CGGBP1: variants seen among roughly 807,000 people sequenced by gnomAD.
CGGBP1 encodes the protein CGG triplet repeat-binding protein 1.
In CGGBP1, 4 loss-of-function variants were observed where a neutral mutation model predicts 11.4. The observed-to-expected ratio is 0.35, with a 90% CI of 0.17 to 0.80. CGGBP1 has a LOEUF of 0.80. CGGBP1 is among the 30% of genes least tolerant of loss of function. The probability of loss-of-function intolerance (pLI) is 0.52; values close to 1 mark genes in which losing one functional copy is unlikely to be tolerated. For missense variants in CGGBP1, 135 were observed against 202.1 expected (o/e 0.67, Z 2.01); for synonymous variants, 76 against 74.1 (o/e 1.03, Z -0.13).
intron 3 of CGGBP1, chr3:88,056,606 A>G (rs1576159674): frequency 6.6e-6 from 1 of 152,302 alleles, no homozygotes; most frequent in Non-Finnish European, 1.5e-5. Context: ...TATACAGTTC[A>G]AAGTTATTTT....
chr3:88,090,221 G>A lies in CGGBP1; in HGVS notation c.-228-31998C>T, dbSNP rs182507060. On this transcript the variant is annotated intron_variant, in intron 2 of 3. Coordinates refer to the CGGBP1 transcript ENST00000462901. The stretch of plus-strand genomic sequence containing the variant: ...TGAAGGCATTCCAGAAAAAGACATT[G>A]TTATCATATAAGGTAACAGCTTCAT... Among the ~76,000 whole-genome samples the A allele has an allele frequency of 2.2e-3, 331 of 152,232 alleles. 2 individuals carry two copies. Among genetic ancestry groups the A allele is most frequent in the South Asian group, 0.018 (87 of 4,822 alleles).
intron 2 of CGGBP1, among the ~76,000 whole-genome samples, chr3:88,104,751 A>T (rs1704630314): frequency 6.6e-6 from 1 of 152,224 alleles, no homozygotes; most frequent in Non-Finnish European, 1.5e-5. Context: ...CTCAGTCCCA[A>T]AGAAGGAGGA....
chr3:88,101,872 G>T (rs1704447407), intron 2 of CGGBP1, among the ~76,000 whole-genome samples: 2 of 152,104 alleles, frequency 1.3e-5, no homozygotes, highest in African/African-American at 4.8e-5. Context: ...ACAGTAGTAT[G>T]TCATTTTGTT....
intron 2 of CGGBP1, chr3:88,138,669 A>G: frequency 8.3e-7 from 1 of 1,204,888 alleles, no homozygotes; most frequent in Non-Finnish European, 1.0e-6. Flanking sequence ...TTTTTTGGAA[A>G]AAAAGTATTT....
At chr3:88,139,233 G>A in intron 2 of CGGBP1, 7 of 1,502,576 alleles carry the variant, frequency 4.7e-6, no homozygotes, top group Non-Finnish European at 6.2e-6. Context: ...GCAGCCTAAA[G>A]GTCATATTAA....
chr3:88,067,440 A>G (rs1360020449), intron 2 of CGGBP1, among the ~76,000 whole-genome samples: 1 of 152,234 alleles, frequency 6.6e-6, no homozygotes, highest in Admixed American at 6.5e-5. Context: ...ATTCGAAGTC[A>G]TATGTGTGAA....
intron 2 of CGGBP1, among the ~76,000 whole-genome samples, chr3:88,119,818 G>GATAGGGT (rs1335492541): frequency 6.6e-6 from 1 of 152,080 alleles, no homozygotes; most frequent in Non-Finnish European, 1.5e-5. Flanking sequence ...AAATGCTAAT[G>GATAGGGT]ATAGGGTTGT....
At chr3:88,147,345 CTAAAG>C (rs746142894) in intron 1 of CGGBP1, among the ~76,000 whole-genome samples, 5 of 152,134 alleles carry the variant, frequency 3.3e-5, no homozygotes, top group African/African-American at 9.7e-5. Context: ...AGGAACCTGA[CTAAAG>C]TATGGGAAAC....
At chr3:88,126,327 T>G (rs1460430864) in intron 2 of CGGBP1, 2 of 1,382,364 alleles carry the variant, frequency 1.4e-6, no homozygotes, top group Non-Finnish European at 1.9e-6. Flanking sequence ...ACACTTTCAT[T>G]TACTAACTAG....
At chr3:88,128,931 A>G in intron 2 of CGGBP1, 1 of 1,535,580 alleles carries the variant, frequency 6.5e-7, no homozygotes, top group Non-Finnish European at 8.7e-7. Context: ...TCACCCAGAA[A>G]TCAGTAAAGA....
At chr3:88,141,561 G>A (rs1559739909) in intron 1 of CGGBP1, 2 of 995,122 alleles carry the variant, frequency 2.0e-6, no homozygotes, top group South Asian at 2.3e-5. Context: ...AAAATGACAG[G>A]GTATAAATTA....
In CGGBP1 at chr3:88,056,666, T is replaced by C. The variant is rs150440316; in HGVS notation, c.-24+525A>G. The C allele has an allele frequency of 4.3e-4, 65 of 152,322 alleles. No homozygotes were observed. In the East Asian group the frequency reaches 0.012, roughly 28 times the overall value. The allele number at this position is 152,322 out of a possible 1,614,324, so 9.4% of individuals were successfully genotyped here. A position where few individuals can be genotyped will look rare whatever the true frequency, so the allele number is the denominator to read the frequency against. On this transcript the variant is annotated intron_variant, in intron 3 of 3. Transcript: ENST00000482016. ...CCAAAAGGTGTTAAGATATGCAAAG[T>C]CTTACTTCTCTAATACTTGTTTCCT...
At chr3:88,139,782 G>A in intron 2 of CGGBP1, 1 of 1,554,566 alleles carries the variant, frequency 6.4e-7, no homozygotes, top group Non-Finnish European at 8.7e-7. Context: ...GGAGGAAGAG[G>A]ATGAAGAAGG....
At chr3:88,091,995 G>A (rs1703766983) in intron 2 of CGGBP1, among the ~76,000 whole-genome samples, 1 of 152,142 alleles carries the variant, frequency 6.6e-6, no homozygotes, top group Non-Finnish European at 1.5e-5. Context: ...TTAAGCAGAA[G>A]CAAATCTTAT....
intron 2 of CGGBP1, among the ~76,000 whole-genome samples, chr3:88,074,070 A>G (rs933828101): frequency 9.9e-5 from 15 of 152,180 alleles, no homozygotes; most frequent in African/African-American, 3.6e-4. Context: ...ATGTCCACAA[A>G]AATAAGAATC....
intron 2 of CGGBP1, among the ~76,000 whole-genome samples, chr3:88,088,757 TATGTATGGATGGATGG>T (rs1343686486): frequency 1.4e-4 from 13 of 94,468 alleles, no homozygotes; most frequent in East Asian, 7.5e-4. Context: ...TGTATGTATG[TATGTATGGATGGATGG>T]ATGGATGGAT....
Position 88,055,460 on chromosome 3 carries a change from G to T in CGGBP1, c.*13C>A. The T allele has an allele frequency of 6.6e-7, 1 of 1,509,848 alleles. No homozygotes were observed. The highest frequency in any genetic ancestry group is 8.9e-7 in the Non-Finnish European group (1 of 1,128,404). The allele number at this position is 1,509,848 out of a possible 1,614,324, so 93.5% of individuals were successfully genotyped here. A position where few individuals can be genotyped will look rare whatever the true frequency, so the allele number is the denominator to read the frequency against. ...CCACATTTATCTTGATCACAATGGT[G>T]GTAACCTCCTAGTCAACAATCTTGT... is the stretch of plus-strand genomic sequence containing the variant. On this transcript the variant is annotated 3_prime_UTR_variant, in exon 4 of 4. Transcript: ENST00000482016. The surrounding 1 kb of genome is among the most constrained non-coding windows in gnomAD (Gnocchi z 4.2).
At chr3:88,088,630 C>G (rs1197806842) in intron 2 of CGGBP1, among the ~76,000 whole-genome samples, 1 of 151,986 alleles carries the variant, frequency 6.6e-6, no homozygotes, top group African/African-American at 2.4e-5. Context: ...TGTGTGTACA[C>G]TGTGCGTCTT....
chr3:88,079,853 C>T (rs1707992718), intron 2 of CGGBP1, among the ~76,000 whole-genome samples: 2 of 152,048 alleles, frequency 1.3e-5, no homozygotes, highest in Non-Finnish European at 2.9e-5. Flanking sequence ...ACTAAGCCCC[C>T]AGAAATACCA....
Sources: gnomAD v4.1 joint callset for allele counts (sites outside exome capture counted in the v4.1 genomes callset) on GRCh38, gnomAD v4.1.1 for gene constraint, Gnocchi (gnomAD v3.1) non-coding constraint, MANE v1.5 for transcripts, NCBI Gene and HGNC (gene_info 2026-07-23, HGNC 2026-07-21) for gene names.